Variants in PHC1 observed in about 807,000 individuals in gnomAD.
PHC1 encodes polyhomeotic-like protein 1.
PHC1 carries 12 observed loss-of-function variants against 104.3 expected under a neutral mutation model. That is an observed-to-expected ratio of 0.12 (90% CI 0.07 to 0.19). The LOEUF is 0.19. Among genes scored for constraint, PHC1 ranks in the 10% least tolerant of loss-of-function variants. The pLI, the probability that PHC1 is intolerant of heterozygous loss-of-function variation, is 1.00. For synonymous variants in PHC1, 302 were observed against 455.8 expected (o/e 0.66, Z 4.30); for missense variants, 671 against 1,200.0 (o/e 0.56, Z 6.51).
intron 6 of PHC1, among the ~76,000 whole-genome samples, chr12:8,927,428 TTA>T (rs890632846): frequency 7.2e-5 from 11 of 152,138 alleles, no homozygotes; most frequent in African/African-American, 1.9e-4. Context: ...GCAGTGGATA[TTA>T]TATGCTGCTT....
In PHC1 at chr12:8,914,692, C is replaced by T. The variant is rs1945148382; in HGVS notation, c.-184C>T. ...CACCCCGCCCTCGGCGCCCCCGCCC[C>T]TCCAGGAAGGGGAGGAGGCGAGGGG... On this transcript the variant is annotated 5_prime_UTR_variant, in exon 1 of 15. Coordinates refer to ENST00000544916, the MANE Select transcript of PHC1 (RefSeq NM_004426.3). The T allele has an allele frequency of 6.6e-6, 1 of 151,438 alleles. No individual in the cohort carries two copies. Among genetic ancestry groups the T allele is most frequent in the Non-Finnish European group, 1.5e-5 (1 of 67,772 alleles). The allele number at this position is 151,438 out of a possible 1,614,324, so 9.4% of individuals were successfully genotyped here. A position where few individuals can be genotyped will look rare whatever the true frequency, so the allele number is the denominator to read the frequency against.
chr12:8,931,527 C>T (rs1945684157), intron 7 of PHC1, among the ~76,000 whole-genome samples: 1 of 152,154 alleles, frequency 6.6e-6, no homozygotes, highest in South Asian at 2.1e-4. Flanking sequence ...TGGTGAAACC[C>T]CGTCTCTACT....
chr12:8,919,926 G>A lies in PHC1; in HGVS notation c.225+60G>A. 6.4e-7 allele frequency: 1 copy of A among 1,567,182 alleles called. No homozygotes were observed. Among genetic ancestry groups the A allele is most frequent in the South Asian group, 1.2e-5 (1 of 86,068 alleles). ...GGGGACAGGCACTACAGGTGGGTAG[G>A]GGAGATTTTTTGGGCATATAGCATC... On this transcript the variant is annotated intron_variant, in intron 3 of 14. Coordinates refer to ENST00000544916, the MANE Select transcript of PHC1 (RefSeq NM_004426.3). This position sits in a 1 kb window ranked among gnomAD's most constrained non-coding sequence, Gnocchi z 4.9.
At chr12:8,924,738 T>A (rs1482414569) in intron 6 of PHC1, among the ~76,000 whole-genome samples, 2 of 152,206 alleles carry the variant, frequency 1.3e-5, no homozygotes, top group African/African-American at 4.8e-5. Flanking sequence ...GGCATGATGA[T>A]AGAAGAGGTC....
chr12:8,937,277 G>A lies in PHC1; in HGVS notation c.2579G>A (p.Arg860His), dbSNP rs764756312. 1.2e-5 allele frequency: 19 copies of A among 1,611,442 alleles called. No individual in the cohort carries two copies. Among genetic ancestry groups the A allele is most frequent in the South Asian group, 8.8e-5 (8 of 90,634 alleles). The change falls in exon 13 of 15, where the codon CGC becomes CAC. Residue 860 changes from arginine (R) to histidine (H), a missense_variant. Around this residue, in one of 9 missense-constraint regions of PHC1, gnomAD observed 192 missense variants for 280.5 expected, o/e 0.68. Transcript: ENST00000544916. ...CGCGTTCGCAGGCGTGGACCCCGCCGCAGCTCCTCTGACATTGCCCGTGCC... is the reference window on the plus strand; with the variant it reads ...CGCGTTCGCAGGCGTGGACCCCGCCACAGCTCCTCTGACATTGCCCGTGCC... ...YARVRRRGPRRSSSDIARAKI... is the reference protein window; with the variant it reads ...YARVRRRGPRHSSSDIARAKI...
At position 8,919,621 on chromosome 12, in the gene PHC1, G is replaced by C. The variant is rs1945300052; in HGVS notation, c.115-135G>C. On this transcript the variant is annotated intron_variant, in intron 2 of 14. Transcript: ENST00000544916. The surrounding 1 kb of genome is among the most constrained non-coding windows in gnomAD (Gnocchi z 4.9). ...AAAAAATGAAGGAAAATCAGCCGTT[G>C]ACGATTTAGCCCAAACTCCCATCTC... 1 of 836,108 alleles carries C rather than the reference G, an allele frequency of 1.2e-6. No homozygotes were observed. The highest frequency in any genetic ancestry group is 1.9e-6 in the Non-Finnish European group (1 of 535,930). The allele number at this position is 836,108 out of a possible 1,614,324, so 51.8% of individuals were successfully genotyped here.
At position 8,915,062 on chromosome 12, in the gene PHC1, C is replaced by T. The variant is rs1351304379; in HGVS notation, c.-49+235C>T. On this transcript the variant is annotated intron_variant, in intron 1 of 14. Coordinates refer to ENST00000544916, the MANE Select transcript of PHC1 (RefSeq NM_004426.3). The stretch of plus-strand genomic sequence containing the variant: ...TGTCCGTCACCCTAGCTGCCTCTGA[C>T]TGCTCATTTTCTTATTCATTTTTCC... 22 of 152,726 alleles carry T rather than the reference C, an allele frequency of 1.4e-4. 1 individual carries two copies. The Admixed American group carries it at 1.4e-3, about 10-fold the overall frequency. 9.5% of individuals were successfully genotyped at this position (152,726 alleles called of 1,614,324 possible). A position where few individuals can be genotyped will look rare whatever the true frequency, so the allele number is the denominator to read the frequency against.
chr12:8,918,482 C>T (rs1279258355), intron 2 of PHC1, among the ~76,000 whole-genome samples: 2 of 150,926 alleles, frequency 1.3e-5, no homozygotes, highest in African/African-American at 2.4e-5. Context: ...TTTACATTTT[C>T]TTCTTTTTTT....
chr12:8,933,907 G>C lies in PHC1; in HGVS notation c.1936G>C (p.Glu646Gln), dbSNP rs780150219. 4.3e-6 allele frequency: 7 copies of C among 1,612,934 alleles called. No individual in the cohort carries two copies. The highest frequency in any genetic ancestry group is 5.9e-6 in the Non-Finnish European group (7 of 1,178,820). Residue 646 changes from glutamate to glutamine, a missense_variant, in exon 9 of 15, where the codon GAG (glutamate) becomes CAG (glutamine). Glu to Gln is a conservative substitution (Grantham distance 29, BLOSUM62 2). This residue lies in a region of PHC1 where 95 missense variants were observed against 108.8 expected (regional missense o/e 0.87). Transcript: ENST00000544916. Reference sequence around the variant, plus strand: ...GGCTGTCAAACGCAAGGCTGACTCTGAGGAGGAGAGAGATGATGTCTCCAC... The same window carrying C: ...GGCTGTCAAACGCAAGGCTGACTCTCAGGAGGAGAGAGATGATGTCTCCAC... ...TLAVKRKADS[E>Q]EERDDVSTLG...
chr12:8,929,227 T>C (rs1017718091), intron 6 of PHC1, among the ~76,000 whole-genome samples: 2 of 152,240 alleles, frequency 1.3e-5, no homozygotes, highest in African/African-American at 4.8e-5. Context: ...CATCATTCTT[T>C]CCCTTTATCC....
intron 5 of PHC1, 51 bp downstream of exon 5, chr12:8,921,801 C>T: frequency 6.7e-7 from 1 of 1,500,158 alleles, no homozygotes; most frequent in Non-Finnish European, 8.9e-7. Context: ...TTGTCTGGCC[C>T]TGGCAAAGAC....
Position 8,919,640 on chromosome 12 carries a change from C to T in PHC1, c.115-116C>T. On this transcript the variant is annotated intron_variant, in intron 2 of 14. Coordinates refer to ENST00000544916, the MANE Select transcript of PHC1 (RefSeq NM_004426.3). The surrounding 1 kb of genome is among the most constrained non-coding windows in gnomAD (Gnocchi z 4.9). ...GCCGTTGACGATTTAGCCCAAACTC[C>T]CATCTCCTCTGGTTTCTGTCCTTCC... 1 of 1,034,588 alleles carries T rather than the reference C, an allele frequency of 9.7e-7. No individual in the cohort carries two copies. The highest frequency in any genetic ancestry group is 1.4e-6 in the Non-Finnish European group (1 of 709,598). The allele number at this position is 1,034,588 out of a possible 1,614,324, so 64.1% of individuals were successfully genotyped here.
chr12:8,938,804 C>G (rs981318649), intron 14 of PHC1, among the ~76,000 whole-genome samples: 1 of 151,932 alleles, frequency 6.6e-6, no homozygotes, highest in African/African-American at 2.4e-5. Flanking sequence ...CTTTTCCTTT[C>G]TTGGTCTTGG....
chr12:8,914,499 C>T (rs1945144173), upstream of PHC1: 1 of 151,570 alleles, frequency 6.6e-6, no homozygotes, highest in South Asian at 2.1e-4. Context: ...TCCCCGCAGC[C>T]CCCTCCTCCA....
chr12:8,926,276 T>TG (rs35987271), intron 6 of PHC1, among the ~76,000 whole-genome samples: 31,618 of 152,058 alleles, frequency 0.21, 3,643 homozygotes, highest in Admixed American at 0.29. Context: ...AGATGATAAT[T>TG]GAAGTCCCCC....
At chr12:8,935,303 G>A in intron 11 of PHC1, 65 bp downstream of exon 11, 3 of 791,324 alleles carry the variant, frequency 3.8e-6, no homozygotes, top group Non-Finnish European at 6.2e-6. Context: ...TGAGGACTCG[G>A]TGTAAAATAG....
At chr12:8,913,890 A>T (rs1263116545), upstream of PHC1, 1 of 152,222 alleles carries the variant, frequency 6.6e-6, no homozygotes, top group Admixed American at 6.5e-5. Flanking sequence ...TTGAAAATGA[A>T]GTCAACTCCT....
intron 8 of PHC1, 148 bp downstream of exon 8, chr12:8,933,498 CATT>C (rs1489935552): frequency 2.9e-6 from 3 of 1,042,012 alleles, no homozygotes; most frequent in Non-Finnish European, 4.0e-6. Flanking sequence ...GAGAGTGACA[CATT>C]ATATAATATC....
Position 8,939,515 on chromosome 12 carries a change from T to C in PHC1, c.*56T>C. ...CAGACACTCTCCACTGTCCAGGTTA[T>C]AACCTGGTACCAGCAGACTTTGCAG... On this transcript the variant is annotated 3_prime_UTR_variant, in exon 15 of 15. Coordinates refer to ENST00000544916, the MANE Select transcript of PHC1 (RefSeq NM_004426.3). 1 of 971,022 alleles carries C rather than the reference T, an allele frequency of 1.0e-6. No individual in the cohort carries two copies. The highest frequency in any genetic ancestry group is 1.5e-6 in the Non-Finnish European group (1 of 656,668). 60.2% of individuals were successfully genotyped at this position (971,022 alleles called of 1,614,324 possible).
Sources: gnomAD v4.1 joint callset for allele counts (sites outside exome capture counted in the v4.1 genomes callset) on GRCh38, gnomAD v4.1.1 for gene constraint, gnomAD v4.1.1 regional missense constraint, Gnocchi (gnomAD v3.1) non-coding constraint, MANE v1.5 for transcripts, NCBI Gene and HGNC (gene_info 2026-07-23, HGNC 2026-07-21) for gene names.